PLCB1: variants seen among roughly 807,000 people sequenced by gnomAD.
PLCB1 encodes 1-phosphatidylinositol 4,5-bisphosphate phosphodiesterase beta-1.
PLCB1 carries 46 observed loss-of-function variants against 161.8 expected under a neutral mutation model. That is an observed-to-expected ratio of 0.28 (90% CI 0.22 to 0.36). The LOEUF (loss-of-function observed/expected upper bound fraction) is 0.36. PLCB1 is among the 10% of genes least tolerant of loss of function. The pLI is 1.00. For missense variants in PLCB1, 1,016 were observed against 1,472.5 expected (o/e 0.69, Z 5.07); for synonymous variants, 517 against 503.7 (o/e 1.03, Z -0.35).
At chr20:8,391,772 T>A (rs1176390255) in intron 3 of PLCB1, among the ~76,000 whole-genome samples, 3 of 103,578 alleles carry the variant, frequency 2.9e-5, no homozygotes, top group African/African-American at 1.1e-4. Context: ...AGTATATATA[T>A]ATATATGTGT....
At chr20:8,194,452 T>C (rs2052002225) in intron 2 of PLCB1, among the ~76,000 whole-genome samples, 1 of 152,038 alleles carries the variant, frequency 6.6e-6, no homozygotes, top group African/African-American at 2.4e-5. Context: ...TAATATTTCA[T>C]ATGCAGTTAA....
At chr20:8,274,958 G>A (rs1159833706) in intron 2 of PLCB1, among the ~76,000 whole-genome samples, 1 of 152,024 alleles carries the variant, frequency 6.6e-6, no homozygotes. Context: ...ATTTTTCATA[G>A]TTGTTTTGCC....
At chr20:8,241,223 C>T (rs1476488624) in intron 2 of PLCB1, among the ~76,000 whole-genome samples, 1 of 151,890 alleles carries the variant, frequency 6.6e-6, no homozygotes, top group Non-Finnish European at 1.5e-5. Flanking sequence ...TGCAAGTAAT[C>T]TACTTGAAAA....
intron 23 of PLCB1, among the ~76,000 whole-genome samples, chr20:8,752,774 C>G (rs1981548054): frequency 6.8e-6 from 1 of 147,044 alleles, no homozygotes; most frequent in Non-Finnish European, 1.5e-5. Flanking sequence ...GCCTGGGTGA[C>G]AGAGTGAGAC....
At chr20:8,250,268 A>G (rs559987712) in intron 2 of PLCB1, among the ~76,000 whole-genome samples, 4 of 152,100 alleles carry the variant, frequency 2.6e-5, no homozygotes, top group South Asian at 2.1e-4. Flanking sequence ...AGCAAAAGCA[A>G]TCTTACTCCT....
In PLCB1 at chr20:8,801,965, G is replaced by A. The variant is rs540614291; in HGVS notation, c.3423+11704G>A. The stretch of plus-strand genomic sequence containing the variant: ...CTGTACTCTAGAAGGCACTCCAAGA[G>A]ACGTCCCAGACAAATAATTGGAAAC... On this transcript the variant is annotated intron_variant, in intron 31 of 31. Transcript: ENST00000338037. 1.2e-5 allele frequency: 10 copies of A among 816,186 alleles called. No homozygotes were observed. The South Asian group carries it at 1.4e-4, about 11-fold the overall frequency. The allele number at this position is 816,186 out of a possible 1,614,324, so 50.6% of individuals were successfully genotyped here.
At chr20:8,749,860 A>C (rs1981361942) in intron 23 of PLCB1, among the ~76,000 whole-genome samples, 1 of 152,174 alleles carries the variant, frequency 6.6e-6, no homozygotes, top group African/African-American at 2.4e-5. Context: ...CATAACATTT[A>C]GGTAGTTCTT....
intron 11 of PLCB1, among the ~76,000 whole-genome samples, chr20:8,700,256 G>A (rs1251173646): frequency 6.6e-6 from 1 of 152,308 alleles, no homozygotes; most frequent in East Asian, 1.9e-4. Context: ...CCACTGCCCT[G>A]TCTACCCTCC....
At chr20:8,760,263 A>T in intron 24 of PLCB1, 144 bp from the exon 25 acceptor site, 1 of 582,840 alleles carries the variant, frequency 1.7e-6, no homozygotes, top group East Asian at 2.9e-5. Flanking sequence ...TTTAAGAATA[A>T]TTTTTATAAA....
intron 3 of PLCB1, among the ~76,000 whole-genome samples, chr20:8,485,464 CAGA>C (rs945553729): frequency 2.0e-5 from 3 of 152,200 alleles, no homozygotes; most frequent in African/African-American, 7.2e-5. Context: ...ATTCTTAGGA[CAGA>C]AGAAGGTCCC....
chr20:8,376,337 G>A (rs1987078320), intron 3 of PLCB1, among the ~76,000 whole-genome samples: 1 of 152,252 alleles, frequency 6.6e-6, no homozygotes, highest in African/African-American at 2.4e-5. Flanking sequence ...ATTCTAGGTT[G>A]TATGTAGTAT....
At chr20:8,453,117 T>C (rs1213564441) in intron 3 of PLCB1, among the ~76,000 whole-genome samples, 1 of 152,238 alleles carries the variant, frequency 6.6e-6, no homozygotes, top group Non-Finnish European at 1.5e-5. Context: ...GTAACTTTGT[T>C]TCTGGCATCG....
At chr20:8,425,794 C>T (rs141001540) in intron 3 of PLCB1, among the ~76,000 whole-genome samples, 64 of 152,110 alleles carry the variant, frequency 4.2e-4, no homozygotes, top group East Asian at 1.4e-3. Flanking sequence ...GCAATGTCCA[C>T]GCTCATTAAG....
intron 20 of PLCB1, 145 bp from the exon 21 acceptor site, chr20:8,739,116 A>T: frequency 1.6e-6 from 1 of 640,622 alleles, no homozygotes; most frequent in Non-Finnish European, 2.9e-6. Context: ...ACGCCACTGC[A>T]CTTCAGCCTG....
chr20:8,574,617 T>C (rs1986617801), intron 3 of PLCB1, among the ~76,000 whole-genome samples: 1 of 152,170 alleles, frequency 6.6e-6, no homozygotes, highest in African/African-American at 2.4e-5. Context: ...GGAAGTGATG[T>C]AGTCAATAAA....
intron 3 of PLCB1, among the ~76,000 whole-genome samples, chr20:8,379,349 C>A (rs936091389): frequency 3.3e-5 from 5 of 152,140 alleles, no homozygotes; most frequent in African/African-American, 1.2e-4. Flanking sequence ...TCCAGTCTAT[C>A]ATTGATGGGT....
At position 8,276,974 on chromosome 20, in the gene PLCB1, CTTCTTCTTCTTCTTA is replaced by C. The variant is rs1222489815; in HGVS notation, c.178-94405_178-94391del. Among the ~76,000 whole-genome samples the C allele has an allele frequency of 8.5e-3, 854 of 100,782 alleles. 7 individuals carry two copies. Among genetic ancestry groups the C allele is most frequent in the Non-Finnish European group, 0.011 (516 of 46,546 alleles). 66.1% of individuals were successfully genotyped at this position (100,782 alleles called of 152,430 possible). On this transcript the variant is annotated intron_variant, in intron 2 of 31. Coordinates refer to ENST00000338037, the MANE Select transcript of PLCB1 (RefSeq NM_015192.4). The stretch of plus-strand genomic sequence containing the variant: ...TCTTCTTCTTCTTCTTCTTCTTCTT[CTTCTTCTTCTTCTTA>C]TTATTATTATTATTATTATTATTAT...
intron 26 of PLCB1, among the ~76,000 whole-genome samples, chr20:8,766,089 T>C (rs2146193328): frequency 6.6e-6 from 1 of 152,268 alleles, no homozygotes; most frequent in South Asian, 2.1e-4. Flanking sequence ...CACAGCCCCA[T>C]ATACCCAAAC....
chr20:8,815,559 C>A (rs777904922), intron 31 of PLCB1, among the ~76,000 whole-genome samples: 1 of 150,856 alleles, frequency 6.6e-6, no homozygotes, highest in Non-Finnish European at 1.5e-5. Context: ...CTGACACTTT[C>A]ATTTAGCCGA....
Sources: allele counts gnomAD v4.1 joint callset (sites outside exome capture counted in the v4.1 genomes callset), GRCh38; gene constraint gnomAD v4.1.1; transcripts MANE v1.5; gene names NCBI Gene and HGNC (gene_info 2026-07-23, HGNC 2026-07-21).